SLC49A4: variants seen among roughly 807,000 people sequenced by gnomAD.
SLC49A4 encodes solute carrier family 49 member 4.
In SLC49A4, 36 loss-of-function variants were observed where a neutral mutation model predicts 50.6. The ratio of observed to expected loss-of-function variants is 0.71; its 90% confidence interval spans 0.55 to 0.94. The LOEUF (loss-of-function observed/expected upper bound fraction) is 0.94. Ranked by LOEUF, SLC49A4 falls within the 40% of genes least tolerant of loss-of-function variation. The probability of loss-of-function intolerance (pLI) is 0.00; values close to 1 mark genes in which losing one functional copy is unlikely to be tolerated. For synonymous variants in SLC49A4, 248 were observed against 241.2 expected (o/e 1.03, Z -0.26); for missense variants, 503 against 605.7 (o/e 0.83, Z 1.78).
At chr3:122,811,935 G>T (rs1175830368) in intron 2 of SLC49A4, among the ~76,000 whole-genome samples, 1 of 151,906 alleles carries the variant, frequency 6.6e-6, no homozygotes, top group East Asian at 1.9e-4. Context: ...TACTACTTTT[G>T]GGAATATTTT....
At chr3:122,827,854 C>G (rs1383093477) in intron 3 of SLC49A4, among the ~76,000 whole-genome samples, 1 of 152,084 alleles carries the variant, frequency 6.6e-6, no homozygotes, top group African/African-American at 2.4e-5. Context: ...GTTGAGGGGG[C>G]AGGAAAGGCT....
chr3:122,795,153 G>A lies in SLC49A4; in HGVS notation c.-40G>A, dbSNP rs757259181. On this transcript the variant is annotated 5_prime_UTR_variant, in exon 1 of 9. Transcript: ENST00000261038. ...GCGCTGGGCTAGTCGGCGGTGACCC[G>A]GACTGCGCCCGGCAGTGGCTTCGCG... The A allele has an allele frequency of 5.4e-6, 7 of 1,307,324 alleles. No homozygotes were observed. Among genetic ancestry groups the A allele is most frequent in the Non-Finnish European group, 6.8e-6 (7 of 1,036,928 alleles). 81.0% of individuals were successfully genotyped at this position (1,307,324 alleles called of 1,614,324 possible). A position where few individuals can be genotyped will look rare whatever the true frequency, so the allele number is the denominator to read the frequency against.
At position 122,795,202 on chromosome 3, in the gene SLC49A4, C is replaced by T; in HGVS notation, c.10C>T (p.Arg4Cys). ...CGGGCGACGCGTCGCCATGGGCTCT[C>T]GCTGGAGCAGCGAAGAGGAGAGGCA... Reference protein sequence around the residue: MGSRWSSEEERQPL... With the variant: MGSCWSSEEERQPL... The change falls in exon 1 of 9, where the codon CGC becomes TGC. Residue 4 changes from arginine to cysteine, a missense_variant. By Grantham distance (180) the Arg-to-Cys change is radical (BLOSUM62 -3). Transcript: ENST00000261038. 1.5e-6 allele frequency: 2 copies of T among 1,328,660 alleles called. No individual in the cohort carries two copies. Among genetic ancestry groups the T allele is most frequent in the South Asian group, 4.4e-5 (2 of 45,030 alleles). 82.3% of individuals were successfully genotyped at this position (1,328,660 alleles called of 1,614,324 possible).
chr3:122,827,119 C>G, intron 3 of SLC49A4, 54 bp downstream of exon 3: 1 of 1,552,148 alleles, frequency 6.4e-7, no homozygotes, highest in Non-Finnish European at 8.7e-7. Flanking sequence ...TCTCAATCAT[C>G]TTCACTCTAC....
chr3:122,802,976 A>G (rs1375634366), intron 1 of SLC49A4, among the ~76,000 whole-genome samples: 1 of 152,238 alleles, frequency 6.6e-6, no homozygotes, highest in Non-Finnish European at 1.5e-5. Flanking sequence ...TAAGGAAAAG[A>G]GAGAGAAGTA....
At chr3:122,876,012 T>C (rs1290543069) in intron 8 of SLC49A4, among the ~76,000 whole-genome samples, 1 of 152,106 alleles carries the variant, frequency 6.6e-6, no homozygotes. Context: ...TTGTCAGAAG[T>C]TTTTTAGAGT....
At chr3:122,823,624 T>C (rs1198342431) in intron 2 of SLC49A4, among the ~76,000 whole-genome samples, 2 of 152,238 alleles carry the variant, frequency 1.3e-5, no homozygotes, top group Non-Finnish European at 2.9e-5. Flanking sequence ...AATGCATAGT[T>C]ACCATTTTAT....
At chr3:122,873,327 G>A (rs1937219264) in intron 8 of SLC49A4, among the ~76,000 whole-genome samples, 1 of 152,024 alleles carries the variant, frequency 6.6e-6, no homozygotes, top group Admixed American at 6.6e-5. Flanking sequence ...CTACAGGCAG[G>A]TGCCACCATG....
intron 2 of SLC49A4, among the ~76,000 whole-genome samples, chr3:122,807,913 G>A (rs921894904): frequency 1.3e-5 from 2 of 152,194 alleles, no homozygotes; most frequent in African/African-American, 4.8e-5. Context: ...AGGAGTGCTA[G>A]TATCAGACCT....
rs144731635 is a variant in SLC49A4 at position 122,848,551 on chromosome 3, C to T, written c.942+2680C>T. On this transcript the variant is annotated intron_variant, in intron 5 of 8. Coordinates refer to ENST00000261038, the MANE Select transcript of SLC49A4 (RefSeq NM_032839.3). Reference sequence around the variant, plus strand: ...TATTTCTCCTCATTTACTTAGGTCCCAATGTCTCTGAATGATGCTTTATAA... The same window carrying T: ...TATTTCTCCTCATTTACTTAGGTCCTAATGTCTCTGAATGATGCTTTATAA... Among the ~76,000 whole-genome samples the T allele has an allele frequency of 7.2e-4, 109 of 152,242 alleles. No individual in the cohort carries two copies. The East Asian group carries it at 0.019, about 26-fold the overall frequency.
In SLC49A4 at chr3:122,795,143, G is replaced by A; in HGVS notation, c.-50G>A. On this transcript the variant is annotated 5_prime_UTR_variant, in exon 1 of 9. Transcript: ENST00000261038. ...GGACTATTCTGCGCTGGGCTAGTCG[G>A]CGGTGACCCGGACTGCGCCCGGCAG... 2 of 1,302,602 alleles carry A rather than the reference G, an allele frequency of 1.5e-6. No homozygotes were observed. Among genetic ancestry groups the A allele is most frequent in the Non-Finnish European group, 1.9e-6 (2 of 1,034,082 alleles). 80.7% of individuals were successfully genotyped at this position (1,302,602 alleles called of 1,614,324 possible). A position where few individuals can be genotyped will look rare whatever the true frequency, so the allele number is the denominator to read the frequency against.
rs78797282 is a variant in SLC49A4, at chr3:122,835,526, T to C, written c.833+2080T>C. 1.7e-4 allele frequency among the ~76,000 whole-genome samples: 26 copies of C among 152,036 alleles called. No homozygotes were observed. The East Asian group carries it at 1.7e-3, about 10-fold the overall frequency. On this transcript the variant is annotated intron_variant, in intron 4 of 8. Transcript: ENST00000261038. ...AACAACAAAAACAGTATGATCATAA[T>C]AGATGCAGAAAAGGCATTCAGTAGC...
At chr3:122,839,390 G>C (rs1333987446) in intron 4 of SLC49A4, among the ~76,000 whole-genome samples, 1 of 151,846 alleles carries the variant, frequency 6.6e-6, no homozygotes, top group Admixed American at 6.6e-5. Flanking sequence ...AAAATAAACG[G>C]GACCTAATTA....
At chr3:122,871,939 G>C (rs2107584077) in intron 7 of SLC49A4, among the ~76,000 whole-genome samples, 1 of 152,204 alleles carries the variant, frequency 6.6e-6, no homozygotes, top group Admixed American at 6.5e-5. Flanking sequence ...TAATTCCATT[G>C]TGTTTCTCAA....
intron 8 of SLC49A4, 88 bp from the exon 9 acceptor site, chr3:122,879,175 A>T: frequency 1.1e-6 from 1 of 922,158 alleles, no homozygotes; most frequent in Non-Finnish European, 1.7e-6. Context: ...AGTACTTTTT[A>T]ATGCAGAGCA....
chr3:122,863,618 A>G (rs1053977198), intron 7 of SLC49A4, among the ~76,000 whole-genome samples: 1 of 152,266 alleles, frequency 6.6e-6, no homozygotes, highest in African/African-American at 2.4e-5. Context: ...AAATCTAATT[A>G]TAGACAAATC....
chr3:122,817,161 A>T (rs1328040509), intron 2 of SLC49A4, among the ~76,000 whole-genome samples: 1 of 152,224 alleles, frequency 6.6e-6, no homozygotes, highest in Non-Finnish European at 1.5e-5. Flanking sequence ...CATGGGAAAG[A>T]TATTTTTTCC....
chr3:122,857,798 A>G (rs1292297517), intron 6 of SLC49A4, among the ~76,000 whole-genome samples: 1 of 152,310 alleles, frequency 6.6e-6, no homozygotes, highest in South Asian at 2.1e-4. Context: ...GTCATTGATC[A>G]CATCCTATTC....
rs1935995088 is a variant in SLC49A4, at chr3:122,795,172, C to T, written c.-21C>T. 7.6e-7 allele frequency: 1 copy of T among 1,314,444 alleles called. No homozygotes were observed. Among genetic ancestry groups the T allele is most frequent in the Non-Finnish European group, 9.6e-7 (1 of 1,041,218 alleles). The allele number at this position is 1,314,444 out of a possible 1,614,324, so 81.4% of individuals were successfully genotyped here. ...TGACCCGGACTGCGCCCGGCAGTGG[C>T]TTCGCGGGCGACGCGTCGCCATGGG... On this transcript the variant is annotated 5_prime_UTR_variant, in exon 1 of 9. Coordinates refer to ENST00000261038, the MANE Select transcript of SLC49A4 (RefSeq NM_032839.3).
Sources: gnomAD v4.1 joint callset for allele counts (sites outside exome capture counted in the v4.1 genomes callset) on GRCh38, gnomAD v4.1.1 for gene constraint, MANE v1.5 for transcripts, NCBI Gene and HGNC (gene_info 2026-07-23, HGNC 2026-07-21) for gene names.